VPS13A: variants seen among roughly 807,000 people sequenced by gnomAD.
VPS13A encodes the protein intermembrane lipid transfer protein VPS13A.
Under a neutral mutation model 390.9 loss-of-function variants are expected in VPS13A, and 264 were observed. The ratio of observed to expected loss-of-function variants is 0.68; its 90% CI spans 0.61 to 0.75. VPS13A has a LOEUF of 0.75. VPS13A is among the 30% of genes least tolerant of loss of function. VPS13A has a pLI of 0.00. For synonymous variants in VPS13A, 1,231 were observed against 1,227.1 expected, an observed-to-expected ratio of 1.00 and a Z score of -0.07; for missense variants, 3,409 against 3,733.9, an observed-to-expected ratio of 0.91 and a Z score of 2.27.
At chr9:77,331,021 G>T (rs12343395) in intron 45 of VPS13A, among the ~76,000 whole-genome samples, 2 of 151,874 alleles carry the variant, frequency 1.3e-5, no homozygotes, top group African/African-American at 2.4e-5. Context: ...TCAGATATTC[G>T]AAGTGTAACC....
At chr9:77,275,730 G>A in intron 25 of VPS13A, 78 bp downstream of exon 25, 1 of 1,470,646 alleles carries the variant, frequency 6.8e-7, no homozygotes, top group Non-Finnish European at 9.4e-7. Flanking sequence ...TAGTCTCATT[G>A]TTAAGAAGCA....
chr9:77,181,368 T>C (rs977513438), intron 1 of VPS13A, among the ~76,000 whole-genome samples: 5 of 151,882 alleles, frequency 3.3e-5, no homozygotes, highest in Non-Finnish European at 5.9e-5. Context: ...ATACAAAAAT[T>C]AGCTGGGTAC....
chr9:77,327,907 G>A (rs1267306897), intron 45 of VPS13A, among the ~76,000 whole-genome samples: 2 of 152,126 alleles, frequency 1.3e-5, no homozygotes, highest in Non-Finnish European at 2.9e-5. Flanking sequence ...CTGTTCTCAT[G>A]TATCACAAAT....
intron 1 of VPS13A, among the ~76,000 whole-genome samples, chr9:77,180,600 G>T (rs1589958423): frequency 6.6e-6 from 1 of 152,274 alleles, no homozygotes; most frequent in East Asian, 1.9e-4. Context: ...TTTGTATAAG[G>T]TGTGTGATAT....
intron 35 of VPS13A, among the ~76,000 whole-genome samples, chr9:77,311,202 G>A (rs908476151): frequency 3.9e-5 from 6 of 152,210 alleles, no homozygotes; most frequent in African/African-American, 1.4e-4. Context: ...GGGATTACAG[G>A]CGTGAGCCAC....
intron 26 of VPS13A, among the ~76,000 whole-genome samples, chr9:77,276,962 TA>T (rs1826718063): frequency 6.6e-6 from 1 of 152,204 alleles, no homozygotes; most frequent in African/African-American, 2.4e-5. Flanking sequence ...TGAGTTAACA[TA>T]TTCTCAGATT....
intron 52 of VPS13A, among the ~76,000 whole-genome samples, chr9:77,347,862 AG>A (rs1831239682): frequency 6.9e-6 from 1 of 144,460 alleles, no homozygotes; most frequent in South Asian, 2.2e-4. Flanking sequence ...TACAAAGTGA[AG>A]TTTTTTTTTT....
chr9:77,370,317 G>C lies in VPS13A; in HGVS notation c.8728G>C (p.Val2910Leu), dbSNP rs1229755452. ...AATGGCACTAGGACTTAAGGCACTA[G>C]TTGGTGGAGCTGTTGGTAAGAAACA... Reference protein sequence around the residue: ...EGMALGLKALVGGAVGGLAGA... With the variant: ...EGMALGLKALLGGAVGGLAGA... The change falls in exon 64 of 72, where the codon GTT (valine) becomes CTT (leucine). Residue 2910 changes from valine to leucine, a missense_variant. Physicochemically the swap from Val to Leu is conservative, Grantham distance 32. Around this residue, in one of 5 missense-constraint regions of VPS13A, gnomAD observed 318 missense variants for 333.7 expected, o/e 0.95. Transcript: ENST00000360280. 1 of 1,614,198 alleles carries C rather than the reference G, an allele frequency of 6.2e-7. No homozygotes were observed. The highest frequency in any genetic ancestry group is 2.2e-5 in the East Asian group (1 of 44,886).
At chr9:77,397,272 AGCCAC>A (rs1444181427) in intron 68 of VPS13A, among the ~76,000 whole-genome samples, 2 of 152,084 alleles carry the variant, frequency 1.3e-5, no homozygotes, top group African/African-American at 4.8e-5. Context: ...TACAGGTGTG[AGCCAC>A]CGTGTCTGGC....
At chr9:77,337,084 A>T (rs1830579078) in intron 46 of VPS13A, among the ~76,000 whole-genome samples, 171 bp from the exon 47 acceptor site, 1 of 152,056 alleles carries the variant, frequency 6.6e-6, no homozygotes, top group South Asian at 2.1e-4. Flanking sequence ...GGCATGAGCC[A>T]CCGCGCCTGG....
intron 67 of VPS13A, among the ~76,000 whole-genome samples, chr9:77,380,513 T>C (rs1278073109): frequency 6.6e-6 from 1 of 152,124 alleles, no homozygotes; most frequent in Non-Finnish European, 1.5e-5. Context: ...GGTTTCACCA[T>C]ATTGGCCAGG....
At chr9:77,290,536 T>C (rs1303018005) in intron 31 of VPS13A, among the ~76,000 whole-genome samples, 4 of 152,134 alleles carry the variant, frequency 2.6e-5, no homozygotes, top group Admixed American at 2.6e-4. Context: ...TCCTCCACTT[T>C]TTCCCTGTTC....
chr9:77,380,775 C>T (rs1489992829), intron 67 of VPS13A, among the ~76,000 whole-genome samples: 2 of 152,232 alleles, frequency 1.3e-5, no homozygotes, highest in African/African-American at 2.4e-5. Context: ...AACTGTTCCA[C>T]CTCAGATCAT....
intron 45 of VPS13A, among the ~76,000 whole-genome samples, chr9:77,323,581 G>A (rs954643067): frequency 6.6e-6 from 1 of 151,898 alleles, no homozygotes; most frequent in Non-Finnish European, 1.5e-5. Context: ...CAGCTTTATT[G>A]AGGTATGTAC....
At chr9:77,373,583 C>G (rs1185483577) in intron 67 of VPS13A, among the ~76,000 whole-genome samples, 1 of 146,848 alleles carries the variant, frequency 6.8e-6, no homozygotes, top group Non-Finnish European at 1.5e-5. Context: ...TGGGCAAGGA[C>G]TTCATGTCCA....
chr9:77,260,269 C>A lies in VPS13A; in HGVS notation c.2427+45C>A, dbSNP rs752528583. On this transcript the variant is annotated intron_variant, in intron 23 of 71. Coordinates refer to ENST00000360280, the MANE Select transcript of VPS13A (RefSeq NM_033305.3). ...TAATATAAGCATGAATTAAGAAAGT[C>A]CACAAATAGTATTTCAAACAATCAC... 5 of 1,586,718 alleles carry A rather than the reference C, an allele frequency of 3.2e-6. No individual in the cohort carries two copies. The East Asian group carries it at 9.0e-5, about 29-fold the overall frequency.
chr9:77,287,983 A>C (rs533155360), intron 31 of VPS13A, among the ~76,000 whole-genome samples: 2 of 152,298 alleles, frequency 1.3e-5, no homozygotes, highest in Non-Finnish European at 2.9e-5. Flanking sequence ...TACCTTCAGC[A>C]TATACAATGG....
chr9:77,416,185 A>G lies in VPS13A; in HGVS notation c.*179A>G, dbSNP rs929484026. On this transcript the variant is annotated 3_prime_UTR_variant, in exon 72 of 72. Coordinates refer to ENST00000360280, the MANE Select transcript of VPS13A (RefSeq NM_033305.3). The stretch of plus-strand genomic sequence containing the variant: ...AAAAACAAAACCAGAATCAGGTAAA[A>G]CAGCTATGTGATTAAAATATTTTAA... 1 of 645,368 alleles carries G rather than the reference A, an allele frequency of 1.5e-6. No homozygotes were observed. Among genetic ancestry groups the G allele is most frequent in the African/African-American group, 1.8e-5 (1 of 54,494 alleles). The allele number at this position is 645,368 out of a possible 1,614,324, so 40.0% of individuals were successfully genotyped here.
At chr9:77,263,853 T>A (rs536261589) in intron 23 of VPS13A, among the ~76,000 whole-genome samples, 1 of 152,346 alleles carries the variant, frequency 6.6e-6, no homozygotes, top group South Asian at 2.1e-4. Context: ...TGCCTAGGTT[T>A]CCTTCTAGAG....
Sources: gnomAD v4.1 joint callset for allele counts (sites outside exome capture counted in the v4.1 genomes callset) on GRCh38, gnomAD v4.1.1 for gene constraint, gnomAD v4.1.1 regional missense constraint, MANE v1.5 for transcripts, NCBI Gene and HGNC (gene_info 2026-07-23, HGNC 2026-07-21) for gene names.